MRPS10: variants seen among roughly 807,000 people sequenced by gnomAD.
The protein encoded by MRPS10 is small ribosomal subunit protein uS10m.
Under a neutral mutation model 27.5 loss-of-function variants are expected in MRPS10, and 23 were observed. The observed-to-expected ratio is 0.84, with a 90% CI of 0.60 to 1.18. The LOEUF (loss-of-function observed/expected upper bound fraction) is 1.18, where lower values mean the gene tolerates loss of function less well. Among genes scored for constraint, MRPS10 ranks in the 50% most tolerant of loss-of-function variants. MRPS10 has a pLI of 0.00. For missense variants in MRPS10, 237 were observed against 240.1 expected (o/e 0.99, Z 0.09); for synonymous variants, 88 against 84.2 (o/e 1.04, Z -0.25).
rs1389753891 is a variant in MRPS10, at chr6:42,207,040, G to C, written c.*1249C>G. ...TAAAAAGAAAATGAAGCACTTCTCT[G>C]GGGTTGCTATACCAACTGTTTCAGC... On this transcript the variant is annotated 3_prime_UTR_variant, in exon 7 of 7. Coordinates refer to ENST00000053468, the MANE Select transcript of MRPS10 (RefSeq NM_018141.4). 6.6e-6 allele frequency: 1 copy of C among 152,138 alleles called. No individual in the cohort carries two copies. The highest frequency in any genetic ancestry group is 2.1e-4 in the South Asian group (1 of 4,826). 9.4% of individuals were successfully genotyped at this position (152,138 alleles called of 1,614,324 possible).
chr6:42,211,709 G>A, intron 4 of MRPS10, 72 bp downstream of exon 4: 2 of 1,416,078 alleles, frequency 1.4e-6, no homozygotes, highest in Non-Finnish European at 1.9e-6. Flanking sequence ...GACCTTCCTG[G>A]GATGAGCACT....
At position 42,211,765 on chromosome 6, in the gene MRPS10, G is replaced by T. The variant is rs144663385; in HGVS notation, c.323+16C>A. ...TACAGCAGCGAACAGGTCGGGTCAG[G>T]AAAGGCCATACTCACACTTTAATAG... On this transcript the variant is annotated intron_variant, in intron 4 of 6. Coordinates refer to ENST00000053468, the MANE Select transcript of MRPS10 (RefSeq NM_018141.4). 348 of 1,609,620 alleles carry T rather than the reference G, an allele frequency of 2.2e-4. No individual in the cohort carries two copies. The African/African-American group carries it at 3.4e-3, about 16-fold the overall frequency.
rs758014609 is a variant in MRPS10, at chr6:42,217,810, G to A, written c.40C>T (p.Leu14Phe). Residue 14 changes from leucine (L) to phenylalanine (F), a missense_variant, in exon 1 of 7, where the codon CTC becomes TTC. Coordinates refer to ENST00000053468, the MANE Select transcript of MRPS10 (RefSeq NM_018141.4). ...RTAFGAVCRR[L>F]WQGLGNFSVN... ...CCTAGCCAATCCAGTACCTGCCAGA[G>A]GCGCCGGCACACAGCACCGAACGCT... 1.9e-6 allele frequency: 3 copies of A among 1,614,138 alleles called. No homozygotes were observed. Among genetic ancestry groups the A allele is most frequent in the Non-Finnish European group, 2.5e-6 (3 of 1,180,006 alleles).
At chr6:42,215,773 A>T (rs1413153057) in intron 1 of MRPS10, among the ~76,000 whole-genome samples, 1 of 152,138 alleles carries the variant, frequency 6.6e-6, no homozygotes, top group African/African-American at 2.4e-5. Context: ...CTCCTTACCC[A>T]AGATAGAGAC....
intron 1 of MRPS10, among the ~76,000 whole-genome samples, chr6:42,215,092 T>C (rs1361238645): frequency 6.6e-6 from 1 of 151,928 alleles, no homozygotes; most frequent in Non-Finnish European, 1.5e-5. Flanking sequence ...AAAAACACAA[T>C]GAAGATGAAA....
In MRPS10 at chr6:42,208,233, T is replaced by G; in HGVS notation, c.*56A>C. 1.6e-6 allele frequency: 2 copies of G among 1,280,688 alleles called. No individual in the cohort carries two copies. The highest frequency in any genetic ancestry group is 2.3e-6 in the Non-Finnish European group (2 of 881,778). 79.3% of individuals were successfully genotyped at this position (1,280,688 alleles called of 1,614,324 possible). A position where few individuals can be genotyped will look rare whatever the true frequency, so the allele number is the denominator to read the frequency against. On this transcript the variant is annotated 3_prime_UTR_variant, in exon 7 of 7. Transcript: ENST00000053468. The stretch of plus-strand genomic sequence containing the variant: ...GCTGGAAGCACTCTCCACTTAAACA[T>G]ACTCATCTGGCCCACCCTCATTTCA...
intron 6 of MRPS10, 39 bp downstream of exon 6, chr6:42,208,819 C>G (rs755771409): frequency 2.2e-6 from 3 of 1,335,756 alleles, no homozygotes; most frequent in Non-Finnish European, 3.2e-6. Context: ...ATACCACTCC[C>G]CACCGCCCCA....
chr6:42,208,831 C>T (rs374718712), intron 6 of MRPS10, 27 bp downstream of exon 6: 73 of 1,497,220 alleles, frequency 4.9e-5, no homozygotes, highest in Middle Eastern at 3.5e-4. Flanking sequence ...ACCGCCCCAC[C>T]GAAAGAGGCA....
intron 1 of MRPS10, among the ~76,000 whole-genome samples, chr6:42,216,835 GGTGGTCTCAAAGTGT>G (rs1562075636): frequency 6.6e-6 from 1 of 152,028 alleles, no homozygotes; most frequent in East Asian, 1.9e-4. Context: ...AAACAAAAAC[GGTGGTCTCAAAGTGT>G]AGTCTGAGGA....
chr6:42,211,236 ATCC>A (rs1768761816), intron 4 of MRPS10, among the ~76,000 whole-genome samples: 1 of 152,226 alleles, frequency 6.6e-6, no homozygotes. Context: ...AAATCATCAC[ATCC>A]AAAGGGTCTA....
In MRPS10 at chr6:42,208,997, CG is replaced by C. The variant is rs759316262; in HGVS notation, c.433-51del. 1.1e-4 allele frequency: 127 copies of C among 1,156,090 alleles called. 1 individual carries two copies. The African/African-American group carries it at 2.4e-3, about 21-fold the overall frequency. The allele number at this position is 1,156,090 out of a possible 1,614,324, so 71.6% of individuals were successfully genotyped here. On this transcript the variant is annotated intron_variant, in intron 5 of 6. Transcript: ENST00000053468. ...TTCATGTAAGCTGTTTGTTAAAGCA[CG>C]GTTTTTTGTTTTTTTTTTTGAGATG... is the stretch of plus-strand genomic sequence containing the variant.
Position 42,207,216 on chromosome 6 carries a change from C to T in MRPS10, c.*1073G>A, listed in dbSNP as rs1230783135. 2 of 140,808 alleles carry T rather than the reference C, an allele frequency of 1.4e-5. No individual in the cohort carries two copies. Among genetic ancestry groups the T allele is most frequent in the East Asian group, 2.4e-4 (1 of 4,250 alleles). The allele number at this position is 140,808 out of a possible 1,614,324, so 8.7% of individuals were successfully genotyped here. ...AAGAAAAATATTTACCTATGCTTTG[C>T]ACAATTTTCTTTTTTTTTTTTTGAG... On this transcript the variant is annotated 3_prime_UTR_variant, in exon 7 of 7. Transcript: ENST00000053468.
intron 4 of MRPS10, among the ~76,000 whole-genome samples, chr6:42,210,863 C>G (rs1768753056): frequency 6.6e-6 from 1 of 152,212 alleles, no homozygotes; most frequent in South Asian, 2.1e-4. Flanking sequence ...ACACCTGCTG[C>G]TTTTACACCC....
chr6:42,208,982 C>T (rs1432385274), intron 5 of MRPS10, 35 bp from the exon 6 acceptor site: 2 of 1,402,064 alleles, frequency 1.4e-6, no homozygotes, highest in African/African-American at 3.1e-5. Context: ...TTCATGTAAG[C>T]TGTTTGTTAA....
In MRPS10 at chr6:42,211,788, T is replaced by C. The variant is rs144077141; in HGVS notation, c.316A>G (p.Ile106Val). The change falls in exon 4 of 7, where the codon ATT becomes GTT. Residue 106 changes from isoleucine (I) to valine (V), a missense_variant. Physicochemically the swap from Ile to Val is conservative, Grantham distance 29 (BLOSUM62 3). Around this residue, in one of 3 missense-constraint regions of MRPS10, gnomAD observed 164 missense variants for 137.8 expected, o/e 1.19. Transcript: ENST00000053468. ...VLAAKELGIS[I>V]KVHEPPRKIE... is the part of the protein sequence containing the mutation. ...AGGAAAGGCCATACTCACACTTTAA[T>C]AGAGATACCAAGTTCTTTAGCAGCA... 3.1e-4 allele frequency: 505 copies of C among 1,612,714 alleles called. 1 individual carries two copies. The highest frequency in any genetic ancestry group is 4.0e-4 in the Non-Finnish European group (477 of 1,179,522).
In MRPS10 at chr6:42,211,598, C is replaced by G. The variant is rs1454082727; in HGVS notation, c.323+183G>C. ...CGGGAGGCTGAGAACTGCTTGAACC[C>G]AGGAGGCAGAGGTTGCAGTGAGCTG... On this transcript the variant is annotated intron_variant, in intron 4 of 6. Coordinates refer to ENST00000053468, the MANE Select transcript of MRPS10 (RefSeq NM_018141.4). Among the ~76,000 whole-genome samples, 4 of 149,724 alleles carry G rather than the reference C, an allele frequency of 2.7e-5. No homozygotes were observed. The Admixed American group carries it at 2.7e-4, about 10-fold the overall frequency.
At chr6:42,211,082 C>T (rs993198299) in intron 4 of MRPS10, among the ~76,000 whole-genome samples, 2 of 152,248 alleles carry the variant, frequency 1.3e-5, no homozygotes, top group African/African-American at 4.8e-5. Flanking sequence ...CCTCGTTCAA[C>T]AGCAGAAGGA....
At position 42,207,439 on chromosome 6, in the gene MRPS10, C is replaced by T. The variant is rs1768638803; in HGVS notation, c.*850G>A. On this transcript the variant is annotated 3_prime_UTR_variant, in exon 7 of 7. Coordinates refer to ENST00000053468, the MANE Select transcript of MRPS10 (RefSeq NM_018141.4). Reference sequence around the variant, plus strand: ...GTTTCACCGTGTTAGCCAGGATGGTCTGGATCTCTTGACCTCGTGATCCGC... The same window carrying T: ...GTTTCACCGTGTTAGCCAGGATGGTTTGGATCTCTTGACCTCGTGATCCGC... 6.6e-6 allele frequency: 1 copy of T among 152,138 alleles called. No individual in the cohort carries two copies. Among genetic ancestry groups the T allele is most frequent in the Non-Finnish European group, 1.5e-5 (1 of 68,068 alleles). 9.4% of individuals were successfully genotyped at this position (152,138 alleles called of 1,614,324 possible). A position where few individuals can be genotyped will look rare whatever the true frequency, so the allele number is the denominator to read the frequency against.
intron 4 of MRPS10, 108 bp downstream of exon 4, chr6:42,211,673 C>CAA (rs35472345): frequency 0.039 from 26,380 of 671,114 alleles, 18 homozygotes; most frequent in East Asian, 0.056. Flanking sequence ...GACTCTGTCT[C>CAA]AAAAAAAAAA....
Sources: allele counts gnomAD v4.1 joint callset (sites outside exome capture counted in the v4.1 genomes callset), GRCh38; gene constraint gnomAD v4.1.1; regional missense constraint gnomAD v4.1.1; transcripts MANE v1.5; gene names NCBI Gene and HGNC (gene_info 2026-07-23, HGNC 2026-07-21).